B3GLCT: variants seen among roughly 807,000 people sequenced by gnomAD.
The protein encoded by B3GLCT is beta-1,3-glucosyltransferase.
A neutral mutation model predicts 63.4 loss-of-function variants in B3GLCT; 65 were observed. The ratio of observed to expected loss-of-function variants is 1.03; its 90% confidence interval spans 0.84 to 1.26. The LOEUF is 1.26. Among genes scored for constraint, B3GLCT ranks in the 50% most tolerant of loss-of-function variants. The pLI, the probability that B3GLCT is intolerant of heterozygous loss-of-function variation, is 0.00. For synonymous variants in B3GLCT, 233 were observed against 219.2 expected (o/e 1.06, Z -0.55); for missense variants, 577 against 604.8 (o/e 0.95, Z 0.48).
At chr13:31,323,149 T>C (rs1338778279) in intron 13 of B3GLCT, among the ~76,000 whole-genome samples, 1 of 152,220 alleles carries the variant, frequency 6.6e-6, no homozygotes, top group Non-Finnish European at 1.5e-5. Flanking sequence ...GTAAAACTGC[T>C]GAATTGAGCC....
chr13:31,241,181 G>C (rs538542200), intron 4 of B3GLCT, among the ~76,000 whole-genome samples: 21 of 152,150 alleles, frequency 1.4e-4, no homozygotes, highest in Non-Finnish European at 2.9e-4. Context: ...TTGCTTCCTG[G>C]AGAAGTCTAC....
chr13:31,223,832 C>T (rs1456322865), intron 3 of B3GLCT, among the ~76,000 whole-genome samples: 4 of 152,072 alleles, frequency 2.6e-5, no homozygotes, highest in East Asian at 1.9e-4. Context: ...AGGGGGTATG[C>T]GGTCCATGGG....
intron 7 of B3GLCT, among the ~76,000 whole-genome samples, chr13:31,263,036 C>G (rs1872116985): frequency 1.3e-5 from 2 of 152,164 alleles, no homozygotes; most frequent in Non-Finnish European, 2.9e-5. Context: ...GCAGCAGGTT[C>G]TTCTTCCTCC....
At position 31,261,044 on chromosome 13, in the gene B3GLCT, T is replaced by G; in HGVS notation, c.558T>G (p.Phe186Leu). 1 of 1,613,950 alleles carries G rather than the reference T, an allele frequency of 6.2e-7. No homozygotes were observed. Among genetic ancestry groups the G allele is most frequent in the East Asian group, 2.2e-5 (1 of 44,868 alleles). The change falls in exon 7 of 15, where the codon TTT (phenylalanine) becomes TTG (leucine). Residue 186 changes from phenylalanine (F) to leucine (L), a missense_variant. Physicochemically the swap from Phe to Leu is conservative, Grantham distance 22. Coordinates refer to ENST00000343307, the MANE Select transcript of B3GLCT (RefSeq NM_194318.4). ...CTACAGTTTTTAAGTATCCAGACTT[T>G]GCTGCAGGCTGGGCCTTAAGTATTC... ...ENPTVFKYPD[F>L]AAGWALSIPL...
At chr13:31,267,528 G>A (rs1209598880) in intron 7 of B3GLCT, among the ~76,000 whole-genome samples, 2 of 152,204 alleles carry the variant, frequency 1.3e-5, no homozygotes, top group African/African-American at 4.8e-5. Flanking sequence ...TATATTTGGA[G>A]TGTATCTGAG....
chr13:31,268,533 T>C (rs189122596), intron 7 of B3GLCT, among the ~76,000 whole-genome samples: 139 of 152,324 alleles, frequency 9.1e-4, no homozygotes, highest in Non-Finnish European at 1.2e-3. Flanking sequence ...ACAGAGAAGA[T>C]ACCCATGAGT....
At chr13:31,269,559 C>A (rs912879514) in intron 8 of B3GLCT, among the ~76,000 whole-genome samples, 8 of 152,070 alleles carry the variant, frequency 5.3e-5, no homozygotes. Context: ...TAAAAAAATG[C>A]AAAAATGTCA....
At chr13:31,322,816 A>G (rs943218678) in intron 13 of B3GLCT, among the ~76,000 whole-genome samples, 1 of 152,144 alleles carries the variant, frequency 6.6e-6, no homozygotes, top group South Asian at 2.1e-4. Flanking sequence ...CTGTCAACAC[A>G]TCTTCTCATG....
rs749702385 is a variant in B3GLCT at position 31,247,116 on chromosome 13, C to T, written c.347+17C>T. ...GTTACCGCAGTACGTTTGTTTAACT[C>T]ACCTGTGAATTACTGACATTCCTAC... On this transcript the variant is annotated intron_variant, in intron 5 of 14. Coordinates refer to ENST00000343307, the MANE Select transcript of B3GLCT (RefSeq NM_194318.4). The T allele has an allele frequency of 5.0e-6, 8 of 1,591,472 alleles. No individual in the cohort carries two copies. Among genetic ancestry groups the T allele is most frequent in the Non-Finnish European group, 6.0e-6 (7 of 1,159,768 alleles).
intron 12 of B3GLCT, among the ~76,000 whole-genome samples, chr13:31,292,118 A>G (rs1003512473): frequency 1.3e-5 from 2 of 152,184 alleles, no homozygotes; most frequent in African/African-American, 4.8e-5. Flanking sequence ...GATTACATTT[A>G]TTGTTTTGCA....
chr13:31,310,904 C>T (rs557967643), intron 12 of B3GLCT, among the ~76,000 whole-genome samples: 6 of 152,204 alleles, frequency 3.9e-5, no homozygotes, highest in Non-Finnish European at 8.8e-5. Context: ...ATGGGCTGAG[C>T]ACAGAGCCAC....
At chr13:31,302,219 A>G (rs1874255166) in intron 12 of B3GLCT, among the ~76,000 whole-genome samples, 1 of 152,200 alleles carries the variant, frequency 6.6e-6, no homozygotes, top group South Asian at 2.1e-4. Flanking sequence ...TGAGGTGCCT[A>G]TGCAAAATGG....
At chr13:31,259,547 TC>T (rs201831828) in intron 6 of B3GLCT, among the ~76,000 whole-genome samples, 58 of 149,784 alleles carry the variant, frequency 3.9e-4, no homozygotes, top group African/African-American at 1.4e-3. Context: ...GTTCTTTTTT[TC>T]CCCCCTTGGT....
chr13:31,292,157 A>G (rs1477670684), intron 12 of B3GLCT, among the ~76,000 whole-genome samples: 1 of 152,230 alleles, frequency 6.6e-6, no homozygotes, highest in Non-Finnish European at 1.5e-5. Context: ...CATCCCAGGT[A>G]TGAAGCTGAC....
chr13:31,247,400 C>T lies in B3GLCT; in HGVS notation c.347+301C>T, dbSNP rs143745833. On this transcript the variant is annotated intron_variant, in intron 5 of 14. Transcript: ENST00000343307. ...CAAGCAATTCCCTGCCTCAGCCTCC[C>T]GAGTAGCTGTGACTACAGGCGTGCA... is the stretch of plus-strand genomic sequence containing the variant. Among the ~76,000 whole-genome samples the T allele has an allele frequency of 6.6e-5, 10 of 152,168 alleles. No homozygotes were observed. In the East Asian group the frequency reaches 1.2e-3, roughly 18 times the overall value.
intron 14 of B3GLCT, 87 bp downstream of exon 14, chr13:31,323,982 A>G (rs2137947817): frequency 6.6e-7 from 1 of 1,507,368 alleles, no homozygotes; most frequent in East Asian, 2.3e-5. Context: ...CTCTTCACAT[A>G]TTCGGGAAAC....
chr13:31,223,096 ATTG>A, intron 3 of B3GLCT, 105 bp downstream of exon 3: 2 of 796,994 alleles, frequency 2.5e-6, no homozygotes, highest in Non-Finnish European at 4.2e-6. Flanking sequence ...TGGGGTAAAT[ATTG>A]TTGTTCAAAT....
Position 31,295,675 on chromosome 13 carries a change from C to T in B3GLCT, c.1064+8856C>T, listed in dbSNP as rs577554796. On this transcript the variant is annotated intron_variant, in intron 12 of 14. Coordinates refer to ENST00000343307, the MANE Select transcript of B3GLCT (RefSeq NM_194318.4). ...CAGATGCCCCTCCCCCCACCAAGCT[C>T]GAGCATCCCAGGGGGACTTCAGACT... Among the ~76,000 whole-genome samples, 60 of 152,310 alleles carry T rather than the reference C, an allele frequency of 3.9e-4. 1 individual carries two copies. The South Asian group carries it at 0.011, about 29-fold the overall frequency.
chr13:31,269,228 TAA>T lies in B3GLCT; in HGVS notation c.613_614del (p.Lys205GlufsTer2), dbSNP rs756866455. The T allele has an allele frequency of 1.2e-5, 20 of 1,609,600 alleles. No homozygotes were observed. The highest frequency in any genetic ancestry group is 1.7e-5 in the Non-Finnish European group (20 of 1,176,206). ...CTATTTTCTAGGCTTACCAAGAGAC[TAA>T]AGAGTGAATCCTTGAAATCCGACTT... On this transcript the variant is annotated frameshift_variant, in exon 8 of 15. Transcript: ENST00000343307. LOFTEE classifies it high-confidence loss of function.
Sources: gnomAD v4.1 joint callset for allele counts (sites outside exome capture counted in the v4.1 genomes callset) on GRCh38, gnomAD v4.1.1 for gene constraint, MANE v1.5 for transcripts, NCBI Gene and HGNC (gene_info 2026-07-23, HGNC 2026-07-21) for gene names.